Variants in CDC23 observed in about 807,000 individuals in gnomAD.
The protein encoded by CDC23 is cell division cycle protein 23 homolog.
Under a neutral mutation model 81.7 loss-of-function variants are expected in CDC23, and 26 were observed. The observed-to-expected ratio is 0.32, with a 90% CI of 0.23 to 0.44. The LOEUF (loss-of-function observed/expected upper bound fraction) is 0.44. Among genes scored for constraint, CDC23 ranks in the 20% least tolerant of loss-of-function variants. CDC23 has a pLI of 1.00. For synonymous variants in CDC23, 267 were observed against 270.8 expected (o/e 0.99, Z 0.14); for missense variants, 519 against 728.0 (o/e 0.71, Z 3.30).
Position 138,206,009 on chromosome 5 carries a change from G to A in CDC23, c.372+538C>T, listed in dbSNP as rs151253782. 2.4e-3 allele frequency: 360 copies of A among 152,994 alleles called. 1 individual carries two copies. Among genetic ancestry groups the A allele is most frequent in the African/African-American group, 7.9e-3 (330 of 41,556 alleles). The allele number at this position is 152,994 out of a possible 1,614,324, so 9.5% of individuals were successfully genotyped here. On this transcript the variant is annotated intron_variant, in intron 3 of 15. Transcript: ENST00000394886. ...GGATACTCAACCTGTACTAGGAAATGAGAAGTACATAAAATGTTTTTTTAA... is the reference window on the plus strand; with the variant it reads ...GGATACTCAACCTGTACTAGGAAATAAGAAGTACATAAAATGTTTTTTTAA...
In CDC23 at chr5:138,213,314, T is replaced by G. The variant is rs980509688; in HGVS notation, c.-2A>C. ...GACCATGGAGGTACTCGCAGCCATT[T>G]TCCCGACTCGGGCCACTCCAGCCAA... On this transcript the variant is annotated 5_prime_UTR_variant, in exon 1 of 16. Transcript: ENST00000394886. 1.2e-6 allele frequency: 2 copies of G among 1,613,452 alleles called. No homozygotes were observed. The highest frequency in any genetic ancestry group is 1.7e-6 in the Non-Finnish European group (2 of 1,179,654).
intron 9 of CDC23, among the ~76,000 whole-genome samples, chr5:138,194,591 A>T (rs1446215326): frequency 6.6e-6 from 1 of 152,152 alleles, no homozygotes; most frequent in East Asian, 1.9e-4. Flanking sequence ...GGGGTGATGG[A>T]GTATTCTAAA....
intron 2 of CDC23, among the ~76,000 whole-genome samples, chr5:138,211,679 A>G (rs181491154): frequency 1.3e-5 from 2 of 152,200 alleles, no homozygotes; most frequent in East Asian, 3.9e-4. Context: ...AAAAAAGTAA[A>G]ATAAAATAAA....
chr5:138,198,171 T>G, intron 9 of CDC23, 28 bp downstream of exon 9: 1 of 1,501,892 alleles, frequency 6.7e-7, no homozygotes. Flanking sequence ...ATATAAATCT[T>G]AAAAGAAAAA....
At chr5:138,191,817 A>ACAGCAGATTTCCACTCAAATT (rs1754830010) in intron 12 of CDC23, 45 bp downstream of exon 12, 2 of 1,452,632 alleles carry the variant, frequency 1.4e-6, no homozygotes, top group African/African-American at 2.8e-5. Flanking sequence ...CTTCATCTAA[A>ACAGCAGATTTCCACTCAAATT]CAGCAGATTT....
chr5:138,198,764 G>A lies in CDC23; in HGVS notation c.673C>T (p.Pro225Ser). The A allele has an allele frequency of 6.2e-7, 1 of 1,613,836 alleles. No homozygotes were observed. Among genetic ancestry groups the A allele is most frequent in the South Asian group, 1.1e-5 (1 of 90,990 alleles). Residue 225 changes from proline to serine, a missense_variant, in exon 7 of 16, where the codon CCA becomes TCA. This residue lies in a region of CDC23 where 180 missense variants were observed against 239.3 expected (regional missense o/e 0.75). Transcript: ENST00000394886. ...AAAAACTCTTTCATCCAGGTGTCTG[G>A]CAAAGACAGGAACTTCAGCTGGCAG... ...DKEMLKFLSL[P>S]DTWMKEFFLA...
intron 3 of CDC23, among the ~76,000 whole-genome samples, chr5:138,203,741 G>A (rs757413936): frequency 3.3e-5 from 5 of 151,714 alleles, no homozygotes; most frequent in Admixed American, 2.6e-4. Flanking sequence ...GCGAAACCCC[G>A]TCCCTACTAA....
At chr5:138,191,187 C>T (rs969833254) in intron 13 of CDC23, among the ~76,000 whole-genome samples, 84 of 152,216 alleles carry the variant, frequency 5.5e-4, no homozygotes, top group African/African-American at 2.0e-3. Context: ...GCGATCTCGG[C>T]TCACTGCAAC....
chr5:138,213,104 C>G (rs900029200), intron 1 of CDC23, 41 bp from the exon 2 acceptor site: 3 of 1,613,982 alleles, frequency 1.9e-6, no homozygotes, highest in Non-Finnish European at 2.5e-6. Flanking sequence ...GACAAGCCCC[C>G]CAAGGCCAAG....
rs914918273 is a variant in CDC23 at position 138,205,142 on chromosome 5, T to C, written c.372+1405A>G. Among the ~76,000 whole-genome samples, 3 of 152,282 alleles carry C rather than the reference T, an allele frequency of 2.0e-5. No homozygotes were observed. In the South Asian group the frequency reaches 6.2e-4, roughly 32 times the overall value. The stretch of plus-strand genomic sequence containing the variant: ...GCCGCCCGGGCTTCCTTTTATATTT[T>C]ATATATTTGCCTTAAGGAACTTTAT... On this transcript the variant is annotated intron_variant, in intron 3 of 15. Coordinates refer to ENST00000394886, the MANE Select transcript of CDC23 (RefSeq NM_004661.4).
chr5:138,195,708 C>T (rs1188977424), intron 9 of CDC23, among the ~76,000 whole-genome samples: 3 of 59,092 alleles, frequency 5.1e-5, no homozygotes, highest in Non-Finnish European at 1.1e-4. Context: ...TGCATATATA[C>T]ATATAATATA....
chr5:138,206,567 A>G lies in CDC23; in HGVS notation c.352T>C (p.Tyr118His), dbSNP rs1303401487. 2 of 1,614,164 alleles carry G rather than the reference A, an allele frequency of 1.2e-6. No homozygotes were observed. Among genetic ancestry groups the G allele is most frequent in the Admixed American group, 3.3e-5 (2 of 60,024 alleles). ...CTCACCAGATATCTGGAATACATAT[A>G]CAGAAAATAGGCTTTCTTGCTATTG... is the stretch of plus-strand genomic sequence containing the variant. ...GCNSKKAYFLYMYSRYLSGEK... is the reference protein window; with the variant it reads ...GCNSKKAYFLHMYSRYLSGEK... Residue 118 changes from tyrosine to histidine, a missense_variant, in exon 3 of 16, where the codon TAT becomes CAT. Physicochemically the swap from Tyr to His is moderately conservative, Grantham distance 83. Transcript: ENST00000394886.
intron 3 of CDC23, among the ~76,000 whole-genome samples, chr5:138,203,430 A>G (rs1195111773): frequency 6.6e-6 from 1 of 152,120 alleles, no homozygotes; most frequent in Non-Finnish European, 1.5e-5. Flanking sequence ...AAAATACTCT[A>G]TTGATTAAAA....
At chr5:138,193,155 T>C (rs563741033) in intron 9 of CDC23, among the ~76,000 whole-genome samples, 80 of 152,338 alleles carry the variant, frequency 5.3e-4, no homozygotes, top group African/African-American at 1.9e-3. Flanking sequence ...CACAAACTCC[T>C]GAGCTCAAGC....
intron 4 of CDC23, 83 bp from the exon 5 acceptor site, chr5:138,201,531 GA>G: frequency 1.0e-6 from 1 of 1,000,094 alleles, no homozygotes; most frequent in Non-Finnish European, 1.4e-6. Context: ...TATTTTTCTA[GA>G]GACAGGGTCT....
In CDC23 at chr5:138,206,619, A is replaced by G; in HGVS notation, c.300T>C (p.Asp100=). 1 of 1,614,134 alleles carries G rather than the reference A, an allele frequency of 6.2e-7. No individual in the cohort carries two copies. Among genetic ancestry groups the G allele is most frequent in the Middle Eastern group, 1.7e-4 (1 of 6,060 alleles). Residue 100 remains aspartate, a synonymous_variant, in exon 3 of 16, where the codon GAT becomes GAC. Transcript: ENST00000394886. Reference sequence around the variant, plus strand: ...AGCCATGCAGGAAATGTGCTGCCCGATCATACTCTTTAACGTCAAAGTAGG... The same window carrying G: ...AGCCATGCAGGAAATGTGCTGCCCGGTCATACTCTTTAACGTCAAAGTAGG... ...AKAYFDVKEY[D]RAAHFLHGCN...
intron 3 of CDC23, 66 bp downstream of exon 3, chr5:138,206,481 T>C: frequency 6.4e-7 from 1 of 1,569,956 alleles, no homozygotes; most frequent in African/African-American, 1.3e-5. Context: ...AAGATTTAAC[T>C]TTTCCATTGG....
chr5:138,212,217 C>A (rs1755121162), intron 2 of CDC23, among the ~76,000 whole-genome samples: 1 of 152,158 alleles, frequency 6.6e-6, no homozygotes, highest in Non-Finnish European at 1.5e-5. Flanking sequence ...GGTTAAGTTG[C>A]CAAAGGTCAT....
In CDC23 at chr5:138,192,312, G is replaced by T. The variant is rs1754835810; in HGVS notation, c.1243C>A (p.Pro415Thr). Residue 415 changes from proline (P) to threonine (T), a missense_variant, in exon 11 of 16, where the codon CCA becomes ACA. By Grantham distance (38) the Pro-to-Thr change is conservative (BLOSUM62 -1). Transcript: ENST00000394886. The part of the protein sequence containing the change: ...LGQTYEILKM[P>T]FYCLYYYRRA... ...CTATAATAATAAAGGCAGTAAAATG[G>T]CATCTTAAGGATTTCATAGGTCTGC... 6.2e-7 allele frequency: 1 copy of T among 1,614,140 alleles called. No individual in the cohort carries two copies. Among genetic ancestry groups the T allele is most frequent in the Non-Finnish European group, 8.5e-7 (1 of 1,179,998 alleles).
Sources: allele counts gnomAD v4.1 joint callset (sites outside exome capture counted in the v4.1 genomes callset), GRCh38; gene constraint gnomAD v4.1.1; regional missense constraint gnomAD v4.1.1; transcripts MANE v1.5; gene names NCBI Gene and HGNC (gene_info 2026-07-23, HGNC 2026-07-21).